The following ZNF280D variants were observed in gnomAD, a reference collection of about 807,000 sequenced individuals.
The protein encoded by ZNF280D is zinc finger protein 280D, also known as suppressor of hairy wing homolog 4.
Under a neutral mutation model 94.7 loss-of-function variants are expected in ZNF280D, and 39 were observed. The ratio of observed to expected loss-of-function variants is 0.41; its 90% CI spans 0.32 to 0.54. ZNF280D has a LOEUF of 0.54. ZNF280D is among the 20% of genes least tolerant of loss of function. ZNF280D has a pLI of 0.22. For synonymous variants in ZNF280D, 398 were observed against 377.6 expected (o/e 1.05, Z -0.63); for missense variants, 1,090 against 1,149.3 (o/e 0.95, Z 0.75).
At chr15:56,654,806 C>A in intron 17 of ZNF280D, 1 of 482,504 alleles carries the variant, frequency 2.1e-6, no homozygotes, top group Non-Finnish European at 4.1e-6. Context: ...ACTTGTGTAA[C>A]TTAGGCAAGT....
chr15:56,652,865 G>C, intron 19 of ZNF280D: 1 of 984,022 alleles, frequency 1.0e-6, no homozygotes, highest in Non-Finnish European at 1.2e-6. Flanking sequence ...CTACAAATAG[G>C]CAGCTACACA....
At chr15:56,703,431 G>C (rs2057207720) in intron 4 of ZNF280D, among the ~76,000 whole-genome samples, 1 of 152,154 alleles carries the variant, frequency 6.6e-6, no homozygotes. Context: ...GTGAGGACTG[G>C]ATGTGAGAAG....
At chr15:56,695,079 TGTG>T (rs2056667646) in intron 6 of ZNF280D, among the ~76,000 whole-genome samples, 2 of 152,148 alleles carry the variant, frequency 1.3e-5, no homozygotes, top group East Asian at 1.9e-4. Flanking sequence ...TGTGTGTGTG[TGTG>T]TGTGTGTGAA....
chr15:56,693,519 T>C (rs1020871094), intron 6 of ZNF280D, among the ~76,000 whole-genome samples: 1 of 152,046 alleles, frequency 6.6e-6, no homozygotes. Context: ...ATATTCTTAG[T>C]TCAACTTCTT....
Position 56,682,485 on chromosome 15 carries a change from A to T in ZNF280D, c.781-8T>A. On this transcript the variant is annotated splice_polypyrimidine_tract_variant and splice_region_variant and intron_variant, in intron 9 of 21. Coordinates refer to ENST00000267807, the MANE Select transcript of ZNF280D (RefSeq NM_017661.4). ...CATGTCTGGACAACAATACTGAAAGAGAAAAAAAAAAAAAAAAAACAAGCC... is the reference window on the plus strand; with the variant it reads ...CATGTCTGGACAACAATACTGAAAGTGAAAAAAAAAAAAAAAAAACAAGCC... 1.2e-5 allele frequency: 13 copies of T among 1,058,412 alleles called. No homozygotes were observed. The highest frequency in any genetic ancestry group is 1.6e-5 in the Non-Finnish European group (12 of 761,772). The allele number at this position is 1,058,412 out of a possible 1,614,324, so 65.6% of individuals were successfully genotyped here. A position where few individuals can be genotyped will look rare whatever the true frequency, so the allele number is the denominator to read the frequency against.
At chr15:56,731,991 A>C (rs1318647000) in intron 1 of ZNF280D, among the ~76,000 whole-genome samples, 1 of 152,128 alleles carries the variant, frequency 6.6e-6, no homozygotes, top group East Asian at 1.9e-4. Context: ...GCAACATAAC[A>C]ACCGCATTTC....
chr15:56,700,708 T>C, intron 6 of ZNF280D: 2 of 1,445,526 alleles, frequency 1.4e-6, no homozygotes, highest in East Asian at 2.5e-5. Context: ...CTGTACCTAT[T>C]TAGGCATACT....
At chr15:56,683,762 C>T (rs17819586) in intron 9 of ZNF280D, among the ~76,000 whole-genome samples, 4,273 of 152,206 alleles carry the variant, frequency 0.028, 94 homozygotes, top group Non-Finnish European at 0.04. Flanking sequence ...CTCTTTTCCT[C>T]CTGAGAGTCA....
chr15:56,730,057 A>G (rs2058812282), intron 1 of ZNF280D: 1 of 151,978 alleles, frequency 6.6e-6, no homozygotes, highest in Admixed American at 6.5e-5. Context: ...ATTATACATA[A>G]TAACGTAAAA....
Position 56,631,643 on chromosome 15 carries a change from G to C in ZNF280D, c.2795C>G (p.Thr932Arg). Residue 932 changes from threonine to arginine, a missense_variant, in exon 22 of 22, where the codon ACA (threonine) becomes AGA (arginine). By Grantham distance (71) the Thr-to-Arg change is moderately conservative (BLOSUM62 -1). Around this residue, in one of 3 missense-constraint regions of ZNF280D, gnomAD observed 577 missense variants for 568.8 expected, o/e 1.01. Transcript: ENST00000267807. ...ACCACTACCTTTCTGAAGAATCTCT[G>C]TGGCTTCATACTCAAGTACCTCGGA... is the stretch of plus-strand genomic sequence containing the variant. ...TPSEVLEYEA[T>R]EILQKGSGDP... The C allele has an allele frequency of 1.2e-6, 2 of 1,614,122 alleles. No individual in the cohort carries two copies. The highest frequency in any genetic ancestry group is 1.7e-6 in the Non-Finnish European group (2 of 1,180,022).
intron 7 of ZNF280D, among the ~76,000 whole-genome samples, chr15:56,692,238 T>C (rs1441446814): frequency 6.6e-6 from 1 of 152,038 alleles, no homozygotes; most frequent in East Asian, 1.9e-4. Flanking sequence ...GAGAGGTGAA[T>C]ATCAAATCAA....
At chr15:56,723,385 T>C (rs948270372) in intron 1 of ZNF280D, among the ~76,000 whole-genome samples, 20 of 152,192 alleles carry the variant, frequency 1.3e-4, no homozygotes, top group Admixed American at 6.5e-5. Flanking sequence ...TTTGATTCTA[T>C]TTATATCTAA....
At chr15:56,688,029 T>C (rs1175012445) in intron 9 of ZNF280D, among the ~76,000 whole-genome samples, 1 of 152,144 alleles carries the variant, frequency 6.6e-6, no homozygotes, top group Non-Finnish European at 1.5e-5. Context: ...ACACTGCCTT[T>C]TTTCTGATCT....
At chr15:56,657,092 G>C (rs1268452774) in intron 17 of ZNF280D, among the ~76,000 whole-genome samples, 2 of 152,100 alleles carry the variant, frequency 1.3e-5, no homozygotes, top group African/African-American at 4.8e-5. Context: ...TATCTCTACA[G>C]ATCAGCTTGG....
intron 1 of ZNF280D, among the ~76,000 whole-genome samples, chr15:56,733,228 G>T (rs1291965065): frequency 6.6e-6 from 1 of 152,156 alleles, no homozygotes; most frequent in African/African-American, 2.4e-5. Context: ...CAGCCGAGGC[G>T]GCTGCCGCGT....
At chr15:56,635,348 AC>A (rs2052302623) in intron 20 of ZNF280D, 98 bp from the exon 21 acceptor site, 1 of 409,898 alleles carries the variant, frequency 2.4e-6, no homozygotes, top group African/African-American at 2.1e-5. Flanking sequence ...CAAGTGTGCA[AC>A]TTAATATAAC....
Position 56,631,918 on chromosome 15 carries a change from T to C in ZNF280D, c.2520A>G (p.Lys840=), listed in dbSNP as rs754579332. The C allele has an allele frequency of 6.2e-7, 1 of 1,613,846 alleles. No individual in the cohort carries two copies. The highest frequency in any genetic ancestry group is 8.5e-7 in the Non-Finnish European group (1 of 1,180,006). ...NIGADKVEKK[K]QIQHVCQEME... is the part of the protein sequence containing the mutation. The stretch of plus-strand genomic sequence containing the variant: ...TTTCCTGACAAACGTGTTGTATTTG[T>C]TTTTTCTTTTCCACTTTATCTGCAC... The change falls in exon 22 of 22, where the codon AAA becomes AAG. Residue 840 remains lysine (K), a synonymous_variant. Coordinates refer to ENST00000267807, the MANE Select transcript of ZNF280D (RefSeq NM_017661.4).
At position 56,705,748 on chromosome 15, in the gene ZNF280D, A is replaced by G. The variant is rs188405168; in HGVS notation, c.28+1334T>C. 2.0e-5 allele frequency among the ~76,000 whole-genome samples: 3 copies of G among 152,096 alleles called. No homozygotes were observed. In the East Asian group the frequency reaches 5.8e-4, roughly 29 times the overall value. On this transcript the variant is annotated intron_variant, in intron 3 of 21. Transcript: ENST00000267807. ...TATCATGCAATTCAAGATTTAACATATACGATCTCAAACTGCTATTTTTTC... is the reference window on the plus strand; with the variant it reads ...TATCATGCAATTCAAGATTTAACATGTACGATCTCAAACTGCTATTTTTTC...
At position 56,630,334 on chromosome 15, in the gene ZNF280D, AG is replaced by A. The variant is rs2052030011; in HGVS notation, c.*1163del. The A allele has an allele frequency of 6.6e-6, 1 of 152,168 alleles. No homozygotes were observed. The highest frequency in any genetic ancestry group is 2.1e-4 in the South Asian group (1 of 4,836). The allele number at this position is 152,168 out of a possible 1,614,324, so 9.4% of individuals were successfully genotyped here. A position where few individuals can be genotyped will look rare whatever the true frequency, so the allele number is the denominator to read the frequency against. On this transcript the variant is annotated 3_prime_UTR_variant, in exon 22 of 22. Transcript: ENST00000267807. ...GTAAAAATGAAGCATTTTAAATAAA[AG>A]TTTATTAGTATTTCAAAGCAAACTA... is the stretch of plus-strand genomic sequence containing the variant.
Sources: gnomAD v4.1 joint callset for allele counts (sites outside exome capture counted in the v4.1 genomes callset) on GRCh38, gnomAD v4.1.1 for gene constraint, gnomAD v4.1.1 regional missense constraint, MANE v1.5 for transcripts, NCBI Gene and HGNC (gene_info 2026-07-23, HGNC 2026-07-21) for gene names.